The following NEDD1 variants were observed in gnomAD, a reference collection of about 807,000 sequenced individuals.
NEDD1 encodes the protein NEDD1 gamma-tubulin ring complex targeting factor.
NEDD1 carries 33 observed loss-of-function variants against 74.0 expected under a neutral mutation model. That is an observed-to-expected ratio of 0.45 (90% CI 0.34 to 0.60). NEDD1 has a LOEUF of 0.60. Ranked by LOEUF, NEDD1 falls within the 20% of genes least tolerant of loss-of-function variation. The pLI, the probability that NEDD1 is intolerant of heterozygous loss-of-function variation, is 0.01. For missense variants in NEDD1, 746 were observed against 776.5 expected, an observed-to-expected ratio of 0.96 and a Z score of 0.47; for synonymous variants, 250 against 264.4, an observed-to-expected ratio of 0.95 and a Z score of 0.53.
intron 4 of NEDD1, among the ~76,000 whole-genome samples, chr12:96,914,955 C>T (rs1296960522): frequency 6.6e-6 from 1 of 152,062 alleles, no homozygotes; most frequent in East Asian, 1.9e-4. Context: ...ATTGGAGTCC[C>T]AATATATTGA....
At chr12:96,950,326 C>T in intron 14 of NEDD1, among the ~76,000 whole-genome samples, 1 of 151,864 alleles carries the variant, frequency 6.6e-6, no homozygotes, top group Non-Finnish European at 1.5e-5. Flanking sequence ...TGGTGACATC[C>T]ATTGATAACT....
intron 4 of NEDD1, 145 bp from the exon 5 acceptor site, chr12:96,917,476 G>A: frequency 1.1e-6 from 1 of 917,120 alleles, no homozygotes; most frequent in South Asian, 4.3e-5. Context: ...CGATGAGAGA[G>A]TGGCTCTTTA....
At chr12:96,932,546 G>A (rs10860106) in intron 6 of NEDD1, among the ~76,000 whole-genome samples, 39,728 of 116,666 alleles carry the variant, frequency 0.34, 7,738 homozygotes, top group East Asian at 0.41. Flanking sequence ...ATATAATTTA[G>A]TAAATCAGTG....
chr12:96,941,026 G>C (rs1346630974), intron 10 of NEDD1, among the ~76,000 whole-genome samples: 4 of 152,056 alleles, frequency 2.6e-5, no homozygotes, highest in Non-Finnish European at 4.4e-5. Context: ...TCTGAACTAA[G>C]TACATTGTTT....
chr12:96,953,223 CA>C lies in NEDD1; in HGVS notation c.*1176del, dbSNP rs755241866. On this transcript the variant is annotated 3_prime_UTR_variant, in exon 16 of 16. Coordinates refer to ENST00000266742, the MANE Select transcript of NEDD1 (RefSeq NM_152905.4). ...TTTACTAAAATTAAAAAAAAAAAAACAAAAAACAAACCTTTAGCTCACTAAC... is the reference window on the plus strand; with the variant it reads ...TTTACTAAAATTAAAAAAAAAAAAACAAAAACAAACCTTTAGCTCACTAAC... The C allele has an allele frequency of 6.9e-6, 1 of 145,942 alleles. No homozygotes were observed. Among genetic ancestry groups the C allele is most frequent in the African/African-American group, 2.5e-5 (1 of 39,924 alleles). 9.0% of individuals were successfully genotyped at this position (145,942 alleles called of 1,614,324 possible).
chr12:96,930,197 ACACACACACACACACTCTCTCT>A (rs1181350674), intron 6 of NEDD1, among the ~76,000 whole-genome samples: 10 of 73,710 alleles, frequency 1.4e-4, no homozygotes, highest in South Asian at 4.7e-4. Flanking sequence ...ACACACACAC[ACACACACACACACACTCTCTCT>A]CTCTCTCTCT....
At chr12:96,913,123 A>T (rs1874091290) in intron 4 of NEDD1, among the ~76,000 whole-genome samples, 1 of 152,092 alleles carries the variant, frequency 6.6e-6, no homozygotes, top group South Asian at 2.1e-4. Flanking sequence ...ACGATATCCC[A>T]CATAGGTTAC....
At chr12:96,933,169 T>TGGG (rs1876733304) in intron 6 of NEDD1, among the ~76,000 whole-genome samples, 2 of 152,172 alleles carry the variant, frequency 1.3e-5, no homozygotes, top group Admixed American at 1.3e-4. Context: ...AGATTCTGGA[T>TGGG]AACCATGTTT....
At chr12:96,932,463 A>AAAAAAAATATATATATAT in intron 6 of NEDD1, among the ~76,000 whole-genome samples, 1 of 9,436 alleles carries the variant, frequency 1.1e-4, no homozygotes, top group African/African-American at 3.4e-4. Context: ...AAAAAAAAAA[A>AAAAAAAATATATATATAT]ATATATATAT....
At chr12:96,943,137 AC>A (rs1323102271) in intron 11 of NEDD1, among the ~76,000 whole-genome samples, 1 of 152,082 alleles carries the variant, frequency 6.6e-6, no homozygotes, top group Non-Finnish European at 1.5e-5. Context: ...GGAGGAGATT[AC>A]CCAAGGATAG....
intron 5 of NEDD1, among the ~76,000 whole-genome samples, chr12:96,918,206 G>A (rs1231239410): frequency 2.7e-5 from 4 of 150,550 alleles, no homozygotes; most frequent in Non-Finnish European, 4.4e-5. Context: ...TTTTTAACTT[G>A]GTAATATTTT....
rs535224402 is a variant in NEDD1, at chr12:96,939,795, TTA to T, written c.1118-612_1118-611del. Among the ~76,000 whole-genome samples, 238 of 152,132 alleles carry T rather than the reference TTA, an allele frequency of 1.6e-3. 1 individual carries two copies. The highest frequency in any genetic ancestry group is 5.3e-3 in the African/African-American group (219 of 41,548). On this transcript the variant is annotated intron_variant, in intron 9 of 15. Coordinates refer to ENST00000266742, the MANE Select transcript of NEDD1 (RefSeq NM_152905.4). ...TTATTGTTGTCTACCTTACTATTCT[TTA>T]TGAGTTTGGTGTTCTGGTTTGCTTC...
intron 6 of NEDD1, among the ~76,000 whole-genome samples, chr12:96,928,703 T>TTC (rs1875998384): frequency 6.8e-6 from 1 of 147,894 alleles, no homozygotes; most frequent in Admixed American, 6.7e-5. Flanking sequence ...TTTTTTTTTT[T>TTC]TGAGGCAGAG....
chr12:96,927,411 C>G (rs1439229791), intron 6 of NEDD1, among the ~76,000 whole-genome samples: 1 of 152,198 alleles, frequency 6.6e-6, no homozygotes. Flanking sequence ...GGAAAAGAGC[C>G]TTGCTGCTTC....
At chr12:96,934,917 T>C (rs1489359272) in intron 6 of NEDD1, 59 bp from the exon 7 acceptor site, 1 of 1,084,782 alleles carries the variant, frequency 9.2e-7, no homozygotes, top group African/African-American at 1.7e-5. Flanking sequence ...ATATGGCTTA[T>C]ATCAAATGTC....
rs774795852 is a variant in NEDD1, at chr12:96,909,847, C to T, written c.88C>T (p.Pro30Ser). ...TATGACATTGGTGGATAAATTCAAC[C>T]CACACACATCACCACATGGAATCAG... ...SSMTLVDKFN[P>S]HTSPHGISSI... Residue 30 changes from proline to serine, a missense_variant, in exon 3 of 16, where the codon CCA becomes TCA. Physicochemically the swap from Pro to Ser is moderately conservative, Grantham distance 74 (BLOSUM62 -1). Around this residue, in one of 3 missense-constraint regions of NEDD1, gnomAD observed 706 missense variants for 706.7 expected, o/e 1.00. Coordinates refer to ENST00000266742, the MANE Select transcript of NEDD1 (RefSeq NM_152905.4). The T allele has an allele frequency of 1.9e-6, 3 of 1,613,076 alleles. No homozygotes were observed. The highest frequency in any genetic ancestry group is 1.1e-5 in the South Asian group (1 of 91,040).
chr12:96,911,980 G>A (rs1873962561), intron 3 of NEDD1, among the ~76,000 whole-genome samples: 1 of 151,828 alleles, frequency 6.6e-6, no homozygotes, highest in Non-Finnish European at 1.5e-5. Flanking sequence ...AATTTGTTAT[G>A]GCTCTCAAAA....
At position 96,907,319 on chromosome 12, in the gene NEDD1, T is replaced by A; in HGVS notation, c.-262+19T>A. On this transcript the variant is annotated intron_variant, in intron 1 of 15. Coordinates refer to ENST00000266742, the MANE Select transcript of NEDD1 (RefSeq NM_152905.4). ...CGGAGAGGTGAGGTTCCGGAGGCCCTGAGGTCAGCGGGCCCCCGCCCGCCG... is the reference window on the plus strand; with the variant it reads ...CGGAGAGGTGAGGTTCCGGAGGCCCAGAGGTCAGCGGGCCCCCGCCCGCCG... The A allele has an allele frequency of 2.8e-6, 1 of 359,474 alleles. No individual in the cohort carries two copies. Among genetic ancestry groups the A allele is most frequent in the Non-Finnish European group, 4.9e-6 (1 of 202,380 alleles). 22.3% of individuals were successfully genotyped at this position (359,474 alleles called of 1,614,324 possible). A position where few individuals can be genotyped will look rare whatever the true frequency, so the allele number is the denominator to read the frequency against.
chr12:96,909,835 G>T lies in NEDD1; in HGVS notation c.76G>T (p.Asp26Tyr), dbSNP rs756932203. 2 of 1,613,482 alleles carry T rather than the reference G, an allele frequency of 1.2e-6. No homozygotes were observed. The highest frequency in any genetic ancestry group is 8.5e-7 in the Non-Finnish European group (1 of 1,179,808). Residue 26 changes from aspartate to tyrosine, a missense_variant, in exon 3 of 16, where the codon GAT (aspartate) becomes TAT (tyrosine). Asp to Tyr is a radical substitution (Grantham distance 160, BLOSUM62 -3). This residue lies in a region of NEDD1 where 706 missense variants were observed against 706.7 expected (regional missense o/e 1.00). Coordinates refer to ENST00000266742, the MANE Select transcript of NEDD1 (RefSeq NM_152905.4). ...IWDASSMTLV[D>Y]KFNPHTSPHG... is the part of the protein sequence containing the mutation. ...GGATGCTTCATCTATGACATTGGTG[G>T]ATAAATTCAACCCACACACATCACC...
Sources: gnomAD v4.1 joint callset for allele counts (sites outside exome capture counted in the v4.1 genomes callset) on GRCh38, gnomAD v4.1.1 for gene constraint, gnomAD v4.1.1 regional missense constraint, MANE v1.5 for transcripts, NCBI Gene and HGNC (gene_info 2026-07-23, HGNC 2026-07-21) for gene names.